The following DSCAM variants were observed in gnomAD, a reference collection of about 807,000 sequenced individuals.
The protein encoded by DSCAM is cell adhesion molecule DSCAM.
DSCAM carries 47 observed loss-of-function variants against 217.7 expected under a neutral mutation model. That is an observed-to-expected ratio of 0.22 (90% CI 0.17 to 0.28). The LOEUF is 0.28. Ranked by LOEUF, DSCAM falls within the 10% of genes least tolerant of loss-of-function variation. The probability of loss-of-function intolerance (pLI) is 1.00; values close to 1 mark genes in which losing one functional copy is unlikely to be tolerated. For synonymous variants in DSCAM, 1,056 were observed against 1,015.3 expected (o/e 1.04, Z -0.76); for missense variants, 2,080 against 2,618.3 (o/e 0.79, Z 4.49).
intron 3 of DSCAM, among the ~76,000 whole-genome samples, chr21:40,400,764 C>T (rs2075226501): frequency 6.6e-6 from 1 of 152,194 alleles, no homozygotes; most frequent in Non-Finnish European, 1.5e-5. Flanking sequence ...TTTTCATACT[C>T]TGTTATGTTA....
chr21:40,823,305 A>G (rs960313192), intron 1 of DSCAM, among the ~76,000 whole-genome samples: 13 of 151,912 alleles, frequency 8.6e-5, no homozygotes, highest in Admixed American at 3.3e-4. Flanking sequence ...AAAAAAAACC[A>G]TTAAGCTGCT....
At position 40,311,257 on chromosome 21, in the gene DSCAM, G is replaced by A. The variant is rs565776977; in HGVS notation, c.2062+824C>T. ...TCTTTAACTTCAGACAGTTACTTTT[G>A]CAATGTGGATGAATATTGTAATGGT... On this transcript the variant is annotated intron_variant, in intron 9 of 32. Coordinates refer to ENST00000400454, the MANE Select transcript of DSCAM (RefSeq NM_001389.5). Among the ~76,000 whole-genome samples, 53 of 152,268 alleles carry A rather than the reference G, an allele frequency of 3.5e-4. 1 individual carries two copies. Among genetic ancestry groups the A allele is most frequent in the South Asian group, 8.3e-4 (4 of 4,826 alleles).
chr21:40,311,241 T>G (rs1026321607), intron 9 of DSCAM, among the ~76,000 whole-genome samples: 1 of 152,260 alleles, frequency 6.6e-6, no homozygotes, highest in African/African-American at 2.4e-5. Flanking sequence ...ATCTTTAACT[T>G]CAGACAGTTA....
chr21:40,710,629 TAC>T (rs2090769965), intron 1 of DSCAM, among the ~76,000 whole-genome samples: 1 of 152,206 alleles, frequency 6.6e-6, no homozygotes, highest in Non-Finnish European at 1.5e-5. Context: ...AATGTGTTCA[TAC>T]ACATTTGGCT....
intron 21 of DSCAM, among the ~76,000 whole-genome samples, chr21:40,089,983 T>C (rs1328748721): frequency 6.6e-6 from 1 of 152,164 alleles, no homozygotes; most frequent in East Asian, 1.9e-4. Flanking sequence ...CTTTAGTAAA[T>C]GTCCTCCCCA....
chr21:40,205,463 C>T (rs995140585), intron 11 of DSCAM, among the ~76,000 whole-genome samples: 15 of 152,162 alleles, frequency 9.9e-5, no homozygotes, highest in Admixed American at 9.2e-4. Context: ...ATTAACTGGG[C>T]ATGGTGATGG....
At chr21:40,585,984 G>A (rs113768218) in intron 3 of DSCAM, among the ~76,000 whole-genome samples, 78 of 152,260 alleles carry the variant, frequency 5.1e-4, no homozygotes, top group African/African-American at 1.8e-3. Context: ...AGTCTCCTGC[G>A]TAGCTGGGAT....
intron 17 of DSCAM, among the ~76,000 whole-genome samples, chr21:40,143,767 GGA>G (rs1040225156): frequency 6.6e-6 from 1 of 152,166 alleles, no homozygotes; most frequent in Non-Finnish European, 1.5e-5. Flanking sequence ...CTCCAGCCTG[GGA>G]GAGAGAGCCG....
intron 3 of DSCAM, among the ~76,000 whole-genome samples, chr21:40,427,625 T>C (rs1214946368): frequency 6.6e-6 from 1 of 152,214 alleles, no homozygotes; most frequent in Non-Finnish European, 1.5e-5. Flanking sequence ...TGCAGCACTT[T>C]ATGCAAAATC....
At chr21:40,577,563 A>G (rs1023714721) in intron 3 of DSCAM, among the ~76,000 whole-genome samples, 1 of 152,096 alleles carries the variant, frequency 6.6e-6, no homozygotes, top group Non-Finnish European at 1.5e-5. Context: ...TATCCAGGCA[A>G]GTCAGAGAAA....
intron 30 of DSCAM, among the ~76,000 whole-genome samples, chr21:40,048,942 C>G (rs1410925982): frequency 3.3e-5 from 5 of 151,724 alleles, no homozygotes; most frequent in African/African-American, 1.2e-4. Context: ...GTCAGTCCCT[C>G]ACACTGTGGT....
At chr21:40,756,565 T>C (rs2091278488) in intron 1 of DSCAM, among the ~76,000 whole-genome samples, 1 of 151,346 alleles carries the variant, frequency 6.6e-6, no homozygotes, top group African/African-American at 2.4e-5. Flanking sequence ...CTAATTTTTG[T>C]ATTTTTAGCA....
At chr21:40,074,383 C>T (rs533320054) in intron 27 of DSCAM, among the ~76,000 whole-genome samples, 186 of 152,308 alleles carry the variant, frequency 1.2e-3, no homozygotes, top group Admixed American at 1.7e-3. Context: ...AACTCCCTGT[C>T]CTCACATTGC....
chr21:40,358,572 C>T (rs1203051429), intron 4 of DSCAM, among the ~76,000 whole-genome samples: 2 of 151,932 alleles, frequency 1.3e-5, no homozygotes, highest in East Asian at 1.9e-4. Flanking sequence ...TCTGGGAGGC[C>T]GAGGCAGGCA....
chr21:40,579,257 G>C (rs960958253), intron 3 of DSCAM, among the ~76,000 whole-genome samples: 4 of 139,408 alleles, frequency 2.9e-5, no homozygotes, highest in Non-Finnish European at 4.7e-5. Flanking sequence ...AATTAATTTG[G>C]ATTCTGAAAG....
At chr21:40,526,056 C>T (rs115516657) in intron 3 of DSCAM, among the ~76,000 whole-genome samples, 367 of 152,226 alleles carry the variant, frequency 2.4e-3, no homozygotes, top group African/African-American at 8.2e-3. Flanking sequence ...TTCCCATGTC[C>T]GTTCCCCAAT....
At chr21:40,429,014 T>C (rs1370771280) in intron 3 of DSCAM, among the ~76,000 whole-genome samples, 1 of 151,452 alleles carries the variant, frequency 6.6e-6, no homozygotes, top group Non-Finnish European at 1.5e-5. Context: ...GAGTACATAC[T>C]GTATAGGAGG....
chr21:40,240,174 T>C (rs562830022), intron 11 of DSCAM, among the ~76,000 whole-genome samples: 19 of 152,060 alleles, frequency 1.2e-4, no homozygotes, highest in Non-Finnish European at 2.1e-4. Flanking sequence ...CACCGATCTA[T>C]ACAACCACAG....
At chr21:40,826,670 G>C (rs1338447799) in intron 1 of DSCAM, among the ~76,000 whole-genome samples, 1 of 152,228 alleles carries the variant, frequency 6.6e-6, no homozygotes, top group Non-Finnish European at 1.5e-5. Flanking sequence ...GAAGGACAGA[G>C]AGGAATCAAG....
Sources: allele counts gnomAD v4.1 joint callset (sites outside exome capture counted in the v4.1 genomes callset), GRCh38; gene constraint gnomAD v4.1.1; transcripts MANE v1.5; gene names NCBI Gene and HGNC (gene_info 2026-07-23, HGNC 2026-07-21).